Variants in STXBP5L observed in about 807,000 individuals in gnomAD.
STXBP5L encodes syntaxin-binding protein 5-like.
STXBP5L carries 65 observed loss-of-function variants against 144.5 expected under a neutral mutation model. That is an observed-to-expected ratio of 0.45 (90% confidence interval 0.37 to 0.55). STXBP5L has a LOEUF of 0.55. Among genes scored for constraint, STXBP5L ranks in the 20% least tolerant of loss-of-function variants. STXBP5L has a pLI of 0.00. For synonymous variants in STXBP5L, 505 were observed against 469.6 expected (o/e 1.08, Z -0.97); for missense variants, 1,298 against 1,405.5 (o/e 0.92, Z 1.22).
Position 121,115,034 on chromosome 3 carries a change from A to G in STXBP5L, c.580A>G (p.Ile194Val), listed in dbSNP as rs761722902. The stretch of plus-strand genomic sequence containing the variant: ...ATCTTTCATTCTTTCTGGATATGTT[A>G]TCATGTGGAACAAGGCAATTGAACT... Reference protein sequence around the residue: ...IESFILSGYVIMWNKAIELST... With the variant: ...IESFILSGYVVMWNKAIELST... Residue 194 changes from isoleucine (I) to valine (V), a missense_variant, in exon 6 of 27, where the codon ATC becomes GTC. Transcript: ENST00000471454. The G allele has an allele frequency of 1.1e-5, 18 of 1,602,406 alleles. No homozygotes were observed. Among genetic ancestry groups the G allele is most frequent in the East Asian group, 2.3e-5 (1 of 43,998 alleles).
Position 121,169,705 on chromosome 3 carries a change from TA to T in STXBP5L, c.877+12079del, listed in dbSNP as rs551771224. Among the ~76,000 whole-genome samples the T allele has an allele frequency of 4.6e-3, 702 of 152,274 alleles. 6 individuals carry two copies. Among genetic ancestry groups the T allele is most frequent in the African/African-American group, 0.016 (663 of 41,548 alleles). On this transcript the variant is annotated intron_variant, in intron 9 of 26. Transcript: ENST00000471454. ...CACCCAGATTCATAAAGCAAGTTCT[TA>T]GAGACCTACAATAAGACTTAGGCCC...
chr3:121,051,840 G>A (rs1242319992), intron 5 of STXBP5L, among the ~76,000 whole-genome samples: 1 of 152,090 alleles, frequency 6.6e-6, no homozygotes, highest in Non-Finnish European at 1.5e-5. Context: ...TAGACCGCTA[G>A]CAAGACTAGT....
intron 3 of STXBP5L, among the ~76,000 whole-genome samples, chr3:121,013,127 T>G (rs895633938): frequency 6.6e-6 from 1 of 152,088 alleles, no homozygotes; most frequent in Non-Finnish European, 1.5e-5. Flanking sequence ...TTCCATGTTC[T>G]TGCTATTATG....
chr3:121,112,089 A>G (rs2044013321), intron 5 of STXBP5L, among the ~76,000 whole-genome samples: 1 of 152,072 alleles, frequency 6.6e-6, no homozygotes, highest in South Asian at 2.1e-4. Flanking sequence ...ACCAGCAGGG[A>G]AAAAGTGGCA....
intron 11 of STXBP5L, among the ~76,000 whole-genome samples, chr3:121,226,398 T>C (rs902740656): frequency 1.3e-5 from 2 of 152,034 alleles, no homozygotes; most frequent in Non-Finnish European, 2.9e-5. Flanking sequence ...CCCATTAGAG[T>C]GTGGAATACA....
At chr3:121,105,138 C>G (rs568843140) in intron 5 of STXBP5L, among the ~76,000 whole-genome samples, 1 of 152,206 alleles carries the variant, frequency 6.6e-6, no homozygotes, top group Non-Finnish European at 1.5e-5. Flanking sequence ...TGGCTCATGC[C>G]TATAATCACA....
intron 9 of STXBP5L, among the ~76,000 whole-genome samples, chr3:121,192,353 T>A (rs770551168): frequency 6.6e-6 from 1 of 152,196 alleles, no homozygotes; most frequent in Non-Finnish European, 1.5e-5. Context: ...CATTCCATGC[T>A]CATGGATAGG....
At chr3:120,945,316 T>C (rs1486192334) in intron 2 of STXBP5L, among the ~76,000 whole-genome samples, 2 of 151,806 alleles carry the variant, frequency 1.3e-5, no homozygotes, top group African/African-American at 4.8e-5. Flanking sequence ...CCTAGAATAA[T>C]TTTTAAATAA....
intron 5 of STXBP5L, among the ~76,000 whole-genome samples, chr3:121,108,055 T>C (rs564611896): frequency 1.3e-5 from 2 of 151,918 alleles, no homozygotes; most frequent in South Asian, 4.1e-4. Flanking sequence ...ATTTTGCACA[T>C]TGATTTTGTA....
At chr3:121,109,776 C>G (rs1330059855) in intron 5 of STXBP5L, among the ~76,000 whole-genome samples, 1 of 152,110 alleles carries the variant, frequency 6.6e-6, no homozygotes, top group East Asian at 1.9e-4. Flanking sequence ...TTCTTATCAA[C>G]TTTCTGTGTC....
chr3:121,010,781 G>A (rs1430981684), intron 3 of STXBP5L, among the ~76,000 whole-genome samples: 1 of 151,754 alleles, frequency 6.6e-6, no homozygotes, highest in African/African-American at 2.4e-5. Flanking sequence ...TCATAAGAAA[G>A]AGAAAATATA....
intron 19 of STXBP5L, among the ~76,000 whole-genome samples, chr3:121,283,997 T>G (rs951580505): frequency 2.0e-5 from 3 of 151,874 alleles, no homozygotes; most frequent in Admixed American, 2.0e-4. Context: ...CAGTATACTC[T>G]GATTTTTCTG....
At chr3:121,400,115 T>A (rs1451206320) in intron 22 of STXBP5L, among the ~76,000 whole-genome samples, 1 of 152,258 alleles carries the variant, frequency 6.6e-6, no homozygotes, top group Non-Finnish European at 1.5e-5. Flanking sequence ...CTTAAAATTC[T>A]TAATAATTTT....
chr3:120,972,129 A>G (rs935757351), intron 3 of STXBP5L, among the ~76,000 whole-genome samples: 3 of 151,982 alleles, frequency 2.0e-5, no homozygotes, highest in Non-Finnish European at 4.4e-5. Context: ...TGGTAATTTG[A>G]TAGGAATTGC....
intron 20 of STXBP5L, among the ~76,000 whole-genome samples, chr3:121,362,955 A>G (rs1485427731): frequency 1.3e-5 from 2 of 152,078 alleles, no homozygotes; most frequent in South Asian, 2.1e-4. Context: ...GAGGTGATCA[A>G]TGCTGCCAGA....
intron 5 of STXBP5L, among the ~76,000 whole-genome samples, chr3:121,102,834 G>T (rs888313845): frequency 6.6e-6 from 1 of 151,880 alleles, no homozygotes; most frequent in African/African-American, 2.4e-5. Context: ...GGATCTATAA[G>T]GTACTTAGAT....
intron 5 of STXBP5L, among the ~76,000 whole-genome samples, chr3:121,087,386 G>C (rs149107860): frequency 5.9e-5 from 9 of 152,034 alleles, no homozygotes; most frequent in Non-Finnish European, 1.3e-4. Context: ...ATTTAGGGTT[G>C]CTATATCTTC....
intron 20 of STXBP5L, among the ~76,000 whole-genome samples, chr3:121,322,244 C>T (rs1019483045): frequency 2.0e-5 from 3 of 152,038 alleles, no homozygotes; most frequent in Admixed American, 6.5e-5. Flanking sequence ...TTTGGGAGGC[C>T]GAGATGGGCG....
intron 20 of STXBP5L, among the ~76,000 whole-genome samples, chr3:121,337,083 T>C (rs1345297625): frequency 6.6e-6 from 1 of 151,952 alleles, no homozygotes; most frequent in Non-Finnish European, 1.5e-5. Flanking sequence ...AAACAGACAC[T>C]GGGGTCTACT....
Sources: gnomAD v4.1 joint callset for allele counts (sites outside exome capture counted in the v4.1 genomes callset) on GRCh38, gnomAD v4.1.1 for gene constraint, MANE v1.5 for transcripts, NCBI Gene and HGNC (gene_info 2026-07-23, HGNC 2026-07-21) for gene names.